Variants in DOCK5 observed in about 807,000 individuals in gnomAD.
DOCK5 encodes dedicator of cytokinesis 5.
DOCK5 carries 142 observed loss-of-function variants against 251.8 expected under a neutral mutation model. The ratio of observed to expected loss-of-function variants is 0.56; its 90% CI spans 0.49 to 0.65. The LOEUF (loss-of-function observed/expected upper bound fraction) is 0.65, where lower values mean the gene tolerates loss of function less well. DOCK5 is among the 30% of genes least tolerant of loss of function. The pLI is 0.00. For synonymous variants in DOCK5, 842 were observed against 835.5 expected, an observed-to-expected ratio of 1.01 and a Z score of -0.13; for missense variants, 2,111 against 2,312.3, an observed-to-expected ratio of 0.91 and a Z score of 1.79.
At chr8:25,364,038 CTG>C (rs551565197) in intron 29 of DOCK5, among the ~76,000 whole-genome samples, 76 of 152,328 alleles carry the variant, frequency 5.0e-4, no homozygotes, top group African/African-American at 1.8e-3. Context: ...AGATCAGAAA[CTG>C]TGTCTTTCAA....
intron 10 of DOCK5, 143 bp from the exon 11 acceptor site, chr8:25,304,112 T>C (rs779355510): frequency 3.7e-5 from 24 of 648,682 alleles, no homozygotes; most frequent in South Asian, 5.3e-5. Flanking sequence ...GGAATCACCA[T>C]TGGCAAAGAA....
At chr8:25,296,799 G>T (rs1804626772) in intron 7 of DOCK5, among the ~76,000 whole-genome samples, 151 bp downstream of exon 7, 1 of 151,692 alleles carries the variant, frequency 6.6e-6, no homozygotes, top group Non-Finnish European at 1.5e-5. Context: ...GGATGAGGCA[G>T]GTATATATAT....
chr8:25,398,490 C>T (rs147906795), intron 45 of DOCK5, among the ~76,000 whole-genome samples: 166 of 152,262 alleles, frequency 1.1e-3, no homozygotes, highest in African/African-American at 3.8e-3. Context: ...CTTAAAACAA[C>T]AAAAACTTCT....
At chr8:25,302,230 G>C in intron 9 of DOCK5, 95 bp from the exon 10 acceptor site, 1 of 1,452,156 alleles carries the variant, frequency 6.9e-7, no homozygotes, top group Non-Finnish European at 9.1e-7. Flanking sequence ...AATAAGGTCG[G>C]AACAGGATTT....
Position 25,334,128 on chromosome 8 carries a change from G to T in DOCK5, c.2124G>T (p.Lys708Asn), listed in dbSNP as rs759162843. Residue 708 changes from lysine (K) to asparagine (N), a missense_variant, in exon 21 of 52, where the codon AAG becomes AAT. By Grantham distance (94) the Lys-to-Asn change is moderately conservative. Around this residue, in one of 3 missense-constraint regions of DOCK5, gnomAD observed 1,717 missense variants for 1,892.4 expected, o/e 0.91. Coordinates refer to ENST00000276440, the MANE Select transcript of DOCK5 (RefSeq NM_024940.8). ...TTATTTCACTGATAGGAGACATCAAGTTCCAGCATTTTAATCCTGTACTTG... is the reference window on the plus strand; with the variant it reads ...TTATTTCACTGATAGGAGACATCAATTTCCAGCATTTTAATCCTGTACTTG... Reference protein sequence around the residue: ...VFIISLIGDIKFQHFNPVLET... With the variant: ...VFIISLIGDINFQHFNPVLET... The T allele has an allele frequency of 1.2e-5, 19 of 1,613,868 alleles. No homozygotes were observed. The highest frequency in any genetic ancestry group is 1.4e-5 in the Non-Finnish European group (17 of 1,179,810).
chr8:25,302,222 T>A (rs1804784843), intron 9 of DOCK5, 103 bp from the exon 10 acceptor site: 10 of 1,386,256 alleles, frequency 7.2e-6, no homozygotes, highest in Admixed American at 3.0e-5. Context: ...CATTGAGAAA[T>A]AAGGTCGGAA....
chr8:25,246,480 G>T (rs1803112599), intron 2 of DOCK5, among the ~76,000 whole-genome samples: 1 of 152,082 alleles, frequency 6.6e-6, no homozygotes, highest in South Asian at 2.1e-4. Flanking sequence ...CCCCATGTTG[G>T]CCAGGCTGGT....
At chr8:25,191,503 A>C (rs1410106214) in intron 1 of DOCK5, among the ~76,000 whole-genome samples, 1 of 152,204 alleles carries the variant, frequency 6.6e-6, no homozygotes, top group Non-Finnish European at 1.5e-5. Flanking sequence ...TGAATGTTTC[A>C]ATTTGAATTT....
chr8:25,378,598 C>T (rs1043248244), intron 38 of DOCK5, among the ~76,000 whole-genome samples: 7 of 152,146 alleles, frequency 4.6e-5, no homozygotes, highest in African/African-American at 9.7e-5. Context: ...GAATAGTATC[C>T]GTCTAAGAGA....
chr8:25,270,378 G>A (rs1000733490), intron 3 of DOCK5, among the ~76,000 whole-genome samples: 1 of 152,094 alleles, frequency 6.6e-6, no homozygotes, highest in Admixed American at 6.6e-5. Flanking sequence ...CAGAGTACTT[G>A]ATTATGGCCA....
chr8:25,408,348 A>C (rs1398523322), intron 49 of DOCK5, among the ~76,000 whole-genome samples, 194 bp downstream of exon 49: 1 of 152,106 alleles, frequency 6.6e-6, no homozygotes, highest in Non-Finnish European at 1.5e-5. Context: ...GAGTCTATAA[A>C]TCAACATTGG....
chr8:25,276,043 C>A (rs1168842263), intron 4 of DOCK5, among the ~76,000 whole-genome samples: 2 of 152,230 alleles, frequency 1.3e-5, no homozygotes, highest in Non-Finnish European at 2.9e-5. Context: ...CATTTATTAT[C>A]TGTTCACTGA....
rs187677067 is a variant in DOCK5 at position 25,202,602 on chromosome 8, G to A, written c.43+17651G>A. ...TTCCAGGGTCTTGCTGGGCTGGATG[G>A]TGGTGAGGATCACACAGTAGTCCCG... is the stretch of plus-strand genomic sequence containing the variant. On this transcript the variant is annotated intron_variant, in intron 1 of 51. Transcript: ENST00000276440. Among the ~76,000 whole-genome samples, 85 of 152,284 alleles carry A rather than the reference G, an allele frequency of 5.6e-4. 1 individual carries two copies. The highest frequency in any genetic ancestry group is 1.9e-3 in the African/African-American group (81 of 41,554).
At position 25,396,225 on chromosome 8, in the gene DOCK5, C is replaced by T. The variant is rs189406457; in HGVS notation, c.4704+506C>T. Among the ~76,000 whole-genome samples the T allele has an allele frequency of 3.5e-3, 530 of 152,226 alleles. 6 individuals carry two copies. Among genetic ancestry groups the T allele is most frequent in the South Asian group, 2.9e-3 (14 of 4,826 alleles). ...TGAAACCGCGTCTCTACTAAAAATA[C>T]AAAAATTGGCCAGGCATGATGGTGC... On this transcript the variant is annotated intron_variant, in intron 45 of 51. Coordinates refer to ENST00000276440, the MANE Select transcript of DOCK5 (RefSeq NM_024940.8).
rs1055482182 is a variant in DOCK5 at position 25,380,363 on chromosome 8, T to C, written c.3995T>C (p.Val1332Ala). The change falls in exon 39 of 52, where the codon GTA (valine) becomes GCA (alanine). Residue 1332 changes from valine to alanine, a missense_variant. By Grantham distance (64) the Val-to-Ala change is moderately conservative (BLOSUM62 0). Around this residue, in one of 3 missense-constraint regions of DOCK5, gnomAD observed 1,717 missense variants for 1,892.4 expected, o/e 0.91. Coordinates refer to ENST00000276440, the MANE Select transcript of DOCK5 (RefSeq NM_024940.8). The part of the protein sequence containing the change: ...KELAETYESK[V>A]FDYEGLGNLL... ...TTGGCTGAGACTTACGAAAGCAAAG[T>C]ATTTGACTACGAGGGCCTTGGCAAC... 6.8e-6 allele frequency: 11 copies of C among 1,611,558 alleles called. No individual in the cohort carries two copies. Among genetic ancestry groups the C allele is most frequent in the Non-Finnish European group, 8.5e-6 (10 of 1,178,886 alleles).
At position 25,198,559 on chromosome 8, in the gene DOCK5, G is replaced by A. The variant is rs536039269; in HGVS notation, c.43+13608G>A. Among the ~76,000 whole-genome samples the A allele has an allele frequency of 3.0e-4, 38 of 128,586 alleles. 1 individual carries two copies. Among genetic ancestry groups the A allele is most frequent in the Middle Eastern group, 7.8e-3 (2 of 256 alleles). 84.4% of individuals were successfully genotyped at this position (128,586 alleles called of 152,430 possible). Reference sequence around the variant, plus strand: ...TGCACTCCAACCTGGGCAACAGAGCGAGACTCCATCTCAAAAAAAAAAAAA... The same window carrying A: ...TGCACTCCAACCTGGGCAACAGAGCAAGACTCCATCTCAAAAAAAAAAAAA... On this transcript the variant is annotated intron_variant, in intron 1 of 51. Coordinates refer to ENST00000276440, the MANE Select transcript of DOCK5 (RefSeq NM_024940.8).
At chr8:25,190,398 A>G (rs569291975) in intron 1 of DOCK5, among the ~76,000 whole-genome samples, 1 of 152,332 alleles carries the variant, frequency 6.6e-6, no homozygotes, top group Admixed American at 6.5e-5. Flanking sequence ...TAACTAGCAT[A>G]ATTTTGAATT....
At chr8:25,308,750 C>G (rs1805011972) in intron 11 of DOCK5, 33 bp from the exon 12 acceptor site, 2 of 1,610,544 alleles carry the variant, frequency 1.2e-6, no homozygotes, top group Non-Finnish European at 1.7e-6. Flanking sequence ...CTTTCTCCCC[C>G]TCCCACCTTA....
At chr8:25,364,851 C>G (rs1203523914) in intron 30 of DOCK5, 147 bp downstream of exon 30, 4 of 588,594 alleles carry the variant, frequency 6.8e-6, no homozygotes, top group Non-Finnish European at 1.2e-5. Context: ...GCACATATGC[C>G]TGTCACACTG....
Sources: gnomAD v4.1 joint callset for allele counts (sites outside exome capture counted in the v4.1 genomes callset) on GRCh38, gnomAD v4.1.1 for gene constraint, gnomAD v4.1.1 regional missense constraint, MANE v1.5 for transcripts, NCBI Gene and HGNC (gene_info 2026-07-23, HGNC 2026-07-21) for gene names.